Variants in PPM1B observed in about 807,000 individuals in gnomAD.
PPM1B encodes the protein protein phosphatase, Mg2+/Mn2+ dependent 1B.
In PPM1B, 22 loss-of-function variants were observed where a neutral mutation model predicts 43.0. The ratio of observed to expected loss-of-function variants is 0.51; its 90% CI spans 0.37 to 0.73. The LOEUF is 0.73. Among genes scored for constraint, PPM1B ranks in the 30% least tolerant of loss-of-function variants. The pLI, the probability that PPM1B is intolerant of heterozygous loss-of-function variation, is 0.00. For missense variants in PPM1B, 632 were observed against 584.2 expected (o/e 1.08, Z -0.84); for synonymous variants, 217 against 197.9 (o/e 1.10, Z -0.81).
chr2:44,224,347 C>T (rs1026355330), intron 5 of PPM1B, among the ~76,000 whole-genome samples: 4 of 149,474 alleles, frequency 2.7e-5, no homozygotes, highest in South Asian at 4.2e-4. Flanking sequence ...CCCAGCTACT[C>T]GGGAGGCTGA....
At position 44,224,149 on chromosome 2, in the gene PPM1B, A is replaced by C. The variant is rs945806445; in HGVS notation, c.1134+5612A>C. Reference sequence around the variant, plus strand: ...TTACTTTTTCTCTACTGTTATAAGTAGTCATTTTAAGAATTTTGGTTATGG... The same window carrying C: ...TTACTTTTTCTCTACTGTTATAAGTCGTCATTTTAAGAATTTTGGTTATGG... On this transcript the variant is annotated intron_variant, in intron 5 of 5. Transcript: ENST00000282412. Among the ~76,000 whole-genome samples the C allele has an allele frequency of 8.5e-5, 13 of 152,308 alleles. No individual in the cohort carries two copies. In the South Asian group the frequency reaches 2.7e-3, roughly 32 times the overall value.
chr2:44,226,113 C>T (rs188174438), intron 5 of PPM1B, among the ~76,000 whole-genome samples: 72 of 151,720 alleles, frequency 4.7e-4, no homozygotes, highest in Middle Eastern at 3.4e-3. Flanking sequence ...GTAGCTGGGA[C>T]GACAGGTGCC....
chr2:44,218,414 T>G, intron 4 of PPM1B, 66 bp from the exon 5 acceptor site: 43 of 1,211,672 alleles, frequency 3.5e-5, no homozygotes, highest in Non-Finnish European at 4.8e-5. Context: ...GATGAAATAT[T>G]GAGATATTCA....
intron 1 of PPM1B, among the ~76,000 whole-genome samples, chr2:44,199,333 A>T (rs566714704): frequency 3.8e-4 from 56 of 146,528 alleles, no homozygotes; most frequent in East Asian, 1.6e-3. Flanking sequence ...ATAAAAAAAA[A>T]AAAAATTGAG....
At chr2:44,197,278 T>G (rs975015802) in intron 1 of PPM1B, among the ~76,000 whole-genome samples, 1 of 152,062 alleles carries the variant, frequency 6.6e-6, no homozygotes, top group Non-Finnish European at 1.5e-5. Flanking sequence ...CGCCACCATG[T>G]CTGGCTAATT....
At chr2:44,214,821 G>A (rs868559163) in intron 3 of PPM1B, among the ~76,000 whole-genome samples, 8 of 152,160 alleles carry the variant, frequency 5.3e-5, no homozygotes, top group African/African-American at 1.9e-4. Context: ...GAACTCAAGA[G>A]TCTTGCTGAA....
At position 44,201,906 on chromosome 2, in the gene PPM1B, A is replaced by G; in HGVS notation, c.707A>G (p.Glu236Gly). Residue 236 changes from glutamate to glycine, a missense_variant, in exon 2 of 6, where the codon GAA (glutamate) becomes GGA (glycine). By Grantham distance (98) the Glu-to-Gly change is moderately conservative (BLOSUM62 -2). Around this residue, in one of 3 missense-constraint regions of PPM1B, gnomAD observed 392 missense variants for 302.7 expected, o/e 1.29. Coordinates refer to ENST00000282412, the MANE Select transcript of PPM1B (RefSeq NM_002706.6). The surrounding 1 kb of genome is among the most constrained non-coding windows in gnomAD (Gnocchi z 5.4). ...GAAATTTTAAGAGCAGAAGAGGATG[A>G]ATTTATCATCTTGGCTTGTGATGGG... The part of the protein sequence containing the change: ...VYEILRAEED[E>G]FIILACDGIW... 1 of 1,614,138 alleles carries G rather than the reference A, an allele frequency of 6.2e-7. No individual in the cohort carries two copies. Among genetic ancestry groups the G allele is most frequent in the Admixed American group, 1.7e-5 (1 of 60,022 alleles).
intron 5 of PPM1B, chr2:44,218,784 T>A (rs1669842681): frequency 2.2e-6 from 1 of 451,532 alleles, no homozygotes; most frequent in Admixed American, 3.8e-5. Flanking sequence ...TTGTTTGGGC[T>A]GTCTTTATTT....
intron 1 of PPM1B, among the ~76,000 whole-genome samples, chr2:44,196,025 T>C (rs1278601758): frequency 6.6e-6 from 1 of 152,190 alleles, no homozygotes; most frequent in Non-Finnish European, 1.5e-5. Context: ...CCAGTATTTG[T>C]ATGCAGTAAT....
intron 1 of PPM1B, among the ~76,000 whole-genome samples, chr2:44,172,420 A>T (rs1454902683): frequency 1.3e-5 from 2 of 152,242 alleles, no homozygotes; most frequent in African/African-American, 4.8e-5. Context: ...GTTGGCTGTC[A>T]TAAAATTTGC....
intron 1 of PPM1B, among the ~76,000 whole-genome samples, chr2:44,196,186 T>A (rs1668653817): frequency 6.6e-6 from 1 of 152,232 alleles, no homozygotes; most frequent in African/African-American, 2.4e-5. Flanking sequence ...AAGATCCCAT[T>A]AAGGATGTAC....
At chr2:44,175,212 C>T (rs544887718) in intron 1 of PPM1B, among the ~76,000 whole-genome samples, 1 of 152,220 alleles carries the variant, frequency 6.6e-6, no homozygotes, top group East Asian at 1.9e-4. Flanking sequence ...TGAAATCGCG[C>T]CACTGCATTC....
downstream of PPM1B, among the ~76,000 whole-genome samples, chr2:44,238,439 C>T (rs1391413481): frequency 2.6e-5 from 4 of 152,108 alleles, no homozygotes; most frequent in Non-Finnish European, 4.4e-5. Context: ...CAGTGCCTCA[C>T]GCCTGTAATC....
chr2:44,212,968 C>T (rs1279122173), intron 3 of PPM1B, among the ~76,000 whole-genome samples: 1 of 148,604 alleles, frequency 6.7e-6, no homozygotes, highest in African/African-American at 2.5e-5. Flanking sequence ...AGCCAAGATC[C>T]TGCCACTGCA....
At chr2:44,245,648 A>C (rs183014305), downstream of PPM1B, among the ~76,000 whole-genome samples, 2 of 152,340 alleles carry the variant, frequency 1.3e-5, no homozygotes, top group East Asian at 3.9e-4. Context: ...GACCTTTGTT[A>C]TAGATTAACT....
At chr2:44,189,972 C>T (rs899426658) in intron 1 of PPM1B, among the ~76,000 whole-genome samples, 2 of 152,074 alleles carry the variant, frequency 1.3e-5, no homozygotes, top group Admixed American at 6.6e-5. Flanking sequence ...TTTGTTCCAC[C>T]TGTCTTGAAC....
chr2:44,239,896 GTTTTT>G (rs66631221), intron 5 of PPM1B, among the ~76,000 whole-genome samples: 1 of 140,284 alleles, frequency 7.1e-6, no homozygotes, highest in Non-Finnish European at 1.5e-5. Flanking sequence ...TTTTGTTTTT[GTTTTT>G]TTTTTTTGTC....
chr2:44,182,068 G>C (rs1330019899), intron 1 of PPM1B, among the ~76,000 whole-genome samples: 1 of 152,068 alleles, frequency 6.6e-6, no homozygotes, highest in Non-Finnish European at 1.5e-5. Flanking sequence ...ACCTTATTTT[G>C]AGAAGCTTCT....
At chr2:44,234,744 A>G (rs1670566346), downstream of PPM1B, 2 of 289,808 alleles carry the variant, frequency 6.9e-6, no homozygotes, top group Non-Finnish European at 1.0e-5. Flanking sequence ...TGTGGATACT[A>G]TCGATATTTA....
Sources: gnomAD v4.1 joint callset for allele counts (sites outside exome capture counted in the v4.1 genomes callset) on GRCh38, gnomAD v4.1.1 for gene constraint, gnomAD v4.1.1 regional missense constraint, Gnocchi (gnomAD v3.1) non-coding constraint, MANE v1.5 for transcripts, NCBI Gene and HGNC (gene_info 2026-07-23, HGNC 2026-07-21) for gene names.